The following NCAM2 variants were observed in gnomAD, a reference collection of about 807,000 sequenced individuals.
The protein encoded by NCAM2 is neural cell adhesion molecule 2, also known as N-CAM-2.
In NCAM2, 30 loss-of-function variants were observed where a neutral mutation model predicts 98.1. The observed-to-expected ratio is 0.31, with a 90% confidence interval of 0.23 to 0.41. NCAM2 has a LOEUF of 0.41. Among genes scored for constraint, NCAM2 ranks in the 10% least tolerant of loss-of-function variants. NCAM2 has a pLI of 1.00. For synonymous variants in NCAM2, 368 were observed against 342.4 expected (o/e 1.07, Z -0.83); for missense variants, 867 against 1,005.8 (o/e 0.86, Z 1.87).
intron 1 of NCAM2, among the ~76,000 whole-genome samples, chr21:21,246,323 G>A (rs1048460192): frequency 1.3e-5 from 2 of 152,008 alleles, no homozygotes; most frequent in African/African-American, 2.4e-5. Context: ...CTGAGTTCTC[G>A]ATCTCGGTAA....
intron 12 of NCAM2, among the ~76,000 whole-genome samples, chr21:21,444,880 T>G (rs999716186): frequency 6.6e-6 from 1 of 151,962 alleles, no homozygotes; most frequent in Non-Finnish European, 1.5e-5. Flanking sequence ...GCTAGCTTTG[T>G]GGTTAGTTTG....
At chr21:21,418,025 T>C (rs2077028354) in intron 10 of NCAM2, among the ~76,000 whole-genome samples, 1 of 152,026 alleles carries the variant, frequency 6.6e-6, no homozygotes, top group South Asian at 2.1e-4. Context: ...TAAAAAACAG[T>C]TAACAATGCT....
chr21:21,517,184 T>C (rs144391243), intron 16 of NCAM2, among the ~76,000 whole-genome samples: 1 of 152,358 alleles, frequency 6.6e-6, no homozygotes, highest in African/African-American at 2.4e-5. Flanking sequence ...CAAATGCTTC[T>C]AGCTCAATAA....
chr21:21,297,050 T>C lies in NCAM2; in HGVS notation c.619+4809T>C, dbSNP rs938014587. Among the ~76,000 whole-genome samples the C allele has an allele frequency of 4.0e-5, 6 of 151,836 alleles. No individual in the cohort carries two copies. In the East Asian group the frequency reaches 1.2e-3, roughly 29 times the overall value. On this transcript the variant is annotated intron_variant, in intron 5 of 17. Coordinates refer to ENST00000400546, the MANE Select transcript of NCAM2 (RefSeq NM_004540.5). ...AGCTAAAAAAAAGTTAAAGACCTGC[T>C]ACCTAAGGTTTTTGGACTTAGCTAT...
intron 17 of NCAM2, among the ~76,000 whole-genome samples, chr21:21,535,770 A>T (rs890737741): frequency 6.6e-6 from 1 of 152,058 alleles, no homozygotes; most frequent in Admixed American, 6.5e-5. Context: ...ACCAGGCTAT[A>T]TTTTGGGAAA....
In NCAM2 at chr21:21,477,401, C is replaced by T. The variant is rs1002368757; in HGVS notation, c.2007C>T (p.Ala669=). The T allele has an allele frequency of 6.2e-7, 1 of 1,611,458 alleles. No individual in the cohort carries two copies. The change falls in exon 15 of 18, where the codon GCC becomes GCT. Residue 669 remains alanine, a synonymous_variant. Transcript: ENST00000400546. ...TMGYEVQITA[A]NRLGYSEPTV... Reference sequence around the variant, plus strand: ...GGTATGAAGTTCAGATTACAGCTGCCAATAGATTGGGATATTCTGAACCGA... The same window carrying T: ...GGTATGAAGTTCAGATTACAGCTGCTAATAGATTGGGATATTCTGAACCGA...
rs569826314 is a variant in NCAM2, at chr21:21,215,109, C to T, written c.56-65469C>T. On this transcript the variant is annotated intron_variant, in intron 1 of 17. Coordinates refer to ENST00000400546, the MANE Select transcript of NCAM2 (RefSeq NM_004540.5). ...TCATTTTATTTGTGATGATCAAAGCCTTAAAAAAATTGTGATAATGGAAAT... is the reference window on the plus strand; with the variant it reads ...TCATTTTATTTGTGATGATCAAAGCTTTAAAAAAATTGTGATAATGGAAAT... Among the ~76,000 whole-genome samples, 21 of 151,842 alleles carry T rather than the reference C, an allele frequency of 1.4e-4. No homozygotes were observed. The South Asian group carries it at 4.4e-3, about 32-fold the overall frequency.
chr21:21,025,117 G>A (rs9975627), intron 1 of NCAM2, among the ~76,000 whole-genome samples: 1 of 151,106 alleles, frequency 6.6e-6, no homozygotes, highest in Non-Finnish European at 1.5e-5. Context: ...ATGGAGTCTC[G>A]CACTGTAGCC....
At chr21:21,454,396 C>T (rs991533986) in intron 12 of NCAM2, among the ~76,000 whole-genome samples, 3 of 151,900 alleles carry the variant, frequency 2.0e-5, no homozygotes, top group African/African-American at 4.8e-5. Flanking sequence ...CTATTTTCTC[C>T]ATTTGCTTTT....
chr21:21,445,133 T>G (rs1455695367), intron 12 of NCAM2, among the ~76,000 whole-genome samples: 1 of 152,172 alleles, frequency 6.6e-6, no homozygotes, highest in Non-Finnish European at 1.5e-5. Context: ...GTCCATTTAA[T>G]TGTGTGGTTT....
At chr21:21,170,979 T>G (rs2068105783) in intron 1 of NCAM2, among the ~76,000 whole-genome samples, 1 of 152,212 alleles carries the variant, frequency 6.6e-6, no homozygotes, top group South Asian at 2.1e-4. Context: ...TGTGAACTTC[T>G]GCCTTTCATT....
At chr21:21,510,994 A>G (rs1988341731) in intron 16 of NCAM2, among the ~76,000 whole-genome samples, 2 of 152,022 alleles carry the variant, frequency 1.3e-5, no homozygotes, top group African/African-American at 4.8e-5. Flanking sequence ...TTTGTACTTT[A>G]CATAAATGAG....
At chr21:21,161,523 G>C (rs1264862082) in intron 1 of NCAM2, among the ~76,000 whole-genome samples, 1 of 151,616 alleles carries the variant, frequency 6.6e-6, no homozygotes, top group Non-Finnish European at 1.5e-5. Context: ...TCATAATTGA[G>C]AATTGTTGAG....
chr21:21,192,924 G>A (rs770672729), intron 1 of NCAM2, among the ~76,000 whole-genome samples: 8 of 152,170 alleles, frequency 5.3e-5, no homozygotes, highest in Admixed American at 1.3e-4. Context: ...GTGAGGCAAG[G>A]GGAGTAGAGT....
At chr21:21,339,607 G>C (rs1410464290) in intron 8 of NCAM2, among the ~76,000 whole-genome samples, 1 of 151,668 alleles carries the variant, frequency 6.6e-6, no homozygotes, top group Non-Finnish European at 1.5e-5. Flanking sequence ...ACTTTATTTA[G>C]GTAAAGAGTC....
intron 5 of NCAM2, among the ~76,000 whole-genome samples, chr21:21,305,278 G>A (rs935874310): frequency 2.6e-5 from 4 of 151,984 alleles, no homozygotes; most frequent in Non-Finnish European, 2.9e-5. Context: ...AGATTATACC[G>A]ATGCACTCCA....
intron 12 of NCAM2, among the ~76,000 whole-genome samples, chr21:21,461,242 G>T (rs927281140): frequency 6.6e-6 from 1 of 151,666 alleles, no homozygotes; most frequent in Admixed American, 6.6e-5. Context: ...ACTATAAATT[G>T]TTTATGAAAC....
chr21:21,375,696 A>G (rs1023382912), intron 9 of NCAM2, among the ~76,000 whole-genome samples: 9 of 151,690 alleles, frequency 5.9e-5, no homozygotes, highest in African/African-American at 2.2e-4. Context: ...ATTTAAACCA[A>G]AATTTACTTT....
chr21:21,000,793 A>G (rs1016158392), intron 1 of NCAM2, among the ~76,000 whole-genome samples: 1 of 152,156 alleles, frequency 6.6e-6, no homozygotes, highest in African/African-American at 2.4e-5. Flanking sequence ...ATGCTTGGAT[A>G]TAGATATCCT....
Sources: allele counts gnomAD v4.1 joint callset (sites outside exome capture counted in the v4.1 genomes callset), GRCh38; gene constraint gnomAD v4.1.1; transcripts MANE v1.5; gene names NCBI Gene and HGNC (gene_info 2026-07-23, HGNC 2026-07-21).